The following CCDC116 variants were observed in gnomAD, a reference collection of about 807,000 sequenced individuals.
CCDC116 encodes coiled-coil domain-containing protein 116.
In CCDC116, 24 loss-of-function variants were observed where a neutral mutation model predicts 29.4. The observed-to-expected ratio is 0.82, with a 90% CI of 0.59 to 1.15. The LOEUF is 1.15. Among genes scored for constraint, CCDC116 ranks in the 50% most tolerant of loss-of-function variants. The probability of loss-of-function intolerance (pLI) is 0.00; values close to 1 mark genes in which losing one functional copy is unlikely to be tolerated. For synonymous variants in CCDC116, 298 were observed against 331.4 expected, an observed-to-expected ratio of 0.90 and a Z score of 1.10; for missense variants, 791 against 804.0, an observed-to-expected ratio of 0.98 and a Z score of 0.20.
rs774973048 is a variant in CCDC116 at position 21,634,467 on chromosome 22, G to A, written c.518G>A (p.Ser173Asn). ...ATGGCCGGCTGTCTGGGCTCCCACA[G>A]CCGGGACAGTGACCTAGGTGCCCAA... ...SLMAGCLGSH[S>N]RDSDLGAQGS... The change falls in exon 3 of 5, where the codon AGC (serine) becomes AAC (asparagine). Residue 173 changes from serine to asparagine, a missense_variant. Ser to Asn is a conservative substitution (Grantham distance 46). Coordinates refer to ENST00000292779, the MANE Select transcript of CCDC116 (RefSeq NM_152612.3). The A allele has an allele frequency of 1.2e-6, 2 of 1,614,210 alleles. No homozygotes were observed. Among genetic ancestry groups the A allele is most frequent in the Non-Finnish European group, 1.7e-6 (2 of 1,180,042 alleles).
At chr22:21,636,058 AGCCAT>A (rs1930788353) in intron 4 of CCDC116, among the ~76,000 whole-genome samples, 1 of 152,104 alleles carries the variant, frequency 6.6e-6, no homozygotes, top group African/African-American at 2.4e-5. Context: ...CCCTTTCCTC[AGCCAT>A]CAAGGCCCCT....
chr22:21,637,246 G>T lies in CCDC116; in HGVS notation c.*176G>T. 2.3e-6 allele frequency: 2 copies of T among 862,380 alleles called. No individual in the cohort carries two copies. 53.4% of individuals were successfully genotyped at this position (862,380 alleles called of 1,614,324 possible). The stretch of plus-strand genomic sequence containing the variant: ...ACCACAGGCTGAATGCCCACGAGGA[G>T]CTCTGCTGAGACTCTCAAGGGAGCC... On this transcript the variant is annotated 3_prime_UTR_variant, in exon 5 of 5. Coordinates refer to ENST00000292779, the MANE Select transcript of CCDC116 (RefSeq NM_152612.3).
rs146506084 is a variant in CCDC116, at chr22:21,634,985, C to T, written c.922C>T (p.Arg308Cys). ...CACGCTGAACTTCCTGGCTGACCACCGCCTCTTCCCTGCCCTGCAAAGCGT... is the reference window on the plus strand; with the variant it reads ...CACGCTGAACTTCCTGGCTGACCACTGCCTCTTCCCTGCCCTGCAAAGCGT... The part of the protein sequence containing the change: ...HRTLNFLADH[R>C]LFPALQSVVS... The change falls in exon 4 of 5, where the codon CGC (arginine) becomes TGC (cysteine). Residue 308 changes from arginine to cysteine, a missense_variant. Transcript: ENST00000292779. 1,729 of 1,611,720 alleles carry T rather than the reference C, an allele frequency of 1.1e-3. 1 individual carries two copies. Among genetic ancestry groups the T allele is most frequent in the Middle Eastern group, 1.3e-3 (8 of 6,062 alleles).
rs1411631707 is a variant in CCDC116 at position 21,632,777 on chromosome 22, C to A, written c.-113C>A. ...ACTTCCTCGCACTGTGCAGCTGCTC[C>A]AGTGAGGGCGCAGACTGTACTGGCC... is the stretch of plus-strand genomic sequence containing the variant. On this transcript the variant is annotated 5_prime_UTR_variant, in exon 1 of 5. Transcript: ENST00000292779. The A allele has an allele frequency of 2.9e-5, 10 of 348,058 alleles. No homozygotes were observed. In the East Asian group the frequency reaches 6.9e-4, roughly 24 times the overall value. The allele number at this position is 348,058 out of a possible 1,614,324, so 21.6% of individuals were successfully genotyped here.
At chr22:21,632,972 G>A (rs1251356286) in intron 1 of CCDC116, 145 bp downstream of exon 1, 1 of 700,554 alleles carries the variant, frequency 1.4e-6, no homozygotes, top group Non-Finnish European at 2.7e-6. Context: ...GAAACTGCCT[G>A]CCTGCAGACG....
chr22:21,634,432 T>C lies in CCDC116; in HGVS notation c.483T>C (p.His161=). The change falls in exon 3 of 5, where the codon CAT becomes CAC. Residue 161 remains histidine (H), a synonymous_variant. Coordinates refer to ENST00000292779, the MANE Select transcript of CCDC116 (RefSeq NM_152612.3). ...GCTCCAGCTCCATGTCCAACTGCCATAGCAGCCTCATGGCCGGCTGTCTGG... is the reference window on the plus strand; with the variant it reads ...GCTCCAGCTCCATGTCCAACTGCCACAGCAGCCTCATGGCCGGCTGTCTGG... ...PSSSSSMSNC[H]SSLMAGCLGS... is the part of the protein sequence containing the mutation. 1 of 1,614,186 alleles carries C rather than the reference T, an allele frequency of 6.2e-7. No individual in the cohort carries two copies. Among genetic ancestry groups the C allele is most frequent in the Non-Finnish European group, 8.5e-7 (1 of 1,180,030 alleles).
chr22:21,634,680 T>C lies in CCDC116; in HGVS notation c.622-5T>C, dbSNP rs1309278485. On this transcript the variant is annotated splice_region_variant and splice_polypyrimidine_tract_variant and intron_variant, in intron 3 of 4. Transcript: ENST00000292779. ...ACACTTCACAGAGTCACCCTCTTTC[T>C]GCAGAAAGGCCTCAGTCAGTCCTGC... 1 of 1,591,902 alleles carries C rather than the reference T, an allele frequency of 6.3e-7. No individual in the cohort carries two copies. Among genetic ancestry groups the C allele is most frequent in the African/African-American group, 1.3e-5 (1 of 74,554 alleles).
intron 4 of CCDC116, 124 bp from the exon 5 acceptor site, chr22:21,636,308 C>T (rs1028119598): frequency 1.2e-6 from 1 of 810,928 alleles, no homozygotes; most frequent in Non-Finnish European, 1.9e-6. Context: ...GGTACCCATT[C>T]ATGTTTGTGA....
chr22:21,636,343 G>A (rs1930797399), intron 4 of CCDC116, 89 bp from the exon 5 acceptor site: 1 of 1,250,168 alleles, frequency 8.0e-7, no homozygotes, highest in East Asian at 2.4e-5. Flanking sequence ...AGGGCTCTGA[G>A]GAGGGCACAG....
chr22:21,633,984 G>A, intron 2 of CCDC116, 38 bp from the exon 3 acceptor site: 1 of 1,555,618 alleles, frequency 6.4e-7, no homozygotes, highest in Non-Finnish European at 8.7e-7. Context: ...TTCACCTGTA[G>A]GGCACCCCTG....
rs144432807 is a variant in CCDC116 at position 21,634,079 on chromosome 22, C to T, written c.130C>T (p.Arg44Cys). 3.7e-6 allele frequency: 6 copies of T among 1,613,828 alleles called. No homozygotes were observed. The African/African-American group carries it at 5.3e-5, about 14-fold the overall frequency. ...AATGCGGCCAGCCTGCAAGCCGGGCCGTGTGCCACACCCACCATCCACATG... is the reference window on the plus strand; with the variant it reads ...AATGCGGCCAGCCTGCAAGCCGGGCTGTGTGCCACACCCACCATCCACATG... Reference protein sequence around the residue: ...PEMRPACKPGRVPHPPSTCGS... With the variant: ...PEMRPACKPGCVPHPPSTCGS... Residue 44 changes from arginine to cysteine, a missense_variant, in exon 3 of 5, where the codon CGT (arginine) becomes TGT (cysteine). Arg to Cys is a radical substitution (Grantham distance 180). Coordinates refer to ENST00000292779, the MANE Select transcript of CCDC116 (RefSeq NM_152612.3).
At chr22:21,636,359 G>A (rs986534304) in intron 4 of CCDC116, 73 bp from the exon 5 acceptor site, 18 of 1,417,566 alleles carry the variant, frequency 1.3e-5, no homozygotes, top group Non-Finnish European at 1.7e-5. Context: ...CACAGTGGCT[G>A]GAAGGGGTGT....
At chr22:21,633,679 C>T (rs984244086) in intron 2 of CCDC116, among the ~76,000 whole-genome samples, 19 of 152,264 alleles carry the variant, frequency 1.2e-4, no homozygotes, top group African/African-American at 4.3e-4. Flanking sequence ...AGGGAGACTC[C>T]GAGAGATTCA....
At chr22:21,635,950 T>C (rs1040848753) in intron 4 of CCDC116, 1 of 383,118 alleles carries the variant, frequency 2.6e-6, no homozygotes, top group Non-Finnish European at 4.7e-6. Flanking sequence ...AGCAGGACTC[T>C]CCAGTCCCTG....
In CCDC116 at chr22:21,636,597, C is replaced by G; in HGVS notation, c.1369C>G (p.Leu457Val). Reference protein sequence around the residue: ...VIRKYEFEKDLSKQLGFFSFP... With the variant: ...VIRKYEFEKDVSKQLGFFSFP... The stretch of plus-strand genomic sequence containing the variant: ...CCGCAAGTACGAGTTCGAAAAGGAC[C>G]TCAGTAAGCAGCTGGGCTTCTTCTC... The change falls in exon 5 of 5, where the codon CTC becomes GTC. Residue 457 changes from leucine (L) to valine (V), a missense_variant. Leu to Val is a conservative substitution (Grantham distance 32). Transcript: ENST00000292779. The G allele has an allele frequency of 6.2e-7, 1 of 1,614,150 alleles. No homozygotes were observed.
chr22:21,636,900 C>G lies in CCDC116; in HGVS notation c.1672C>G (p.Pro558Ala). The G allele has an allele frequency of 1.2e-6, 2 of 1,613,796 alleles. No homozygotes were observed. Among genetic ancestry groups the G allele is most frequent in the Non-Finnish European group, 1.7e-6 (2 of 1,180,054 alleles). The change falls in exon 5 of 5, where the codon CCT becomes GCT. Residue 558 changes from proline to alanine, a missense_variant. Pro to Ala is a conservative substitution (Grantham distance 27). Coordinates refer to ENST00000292779, the MANE Select transcript of CCDC116 (RefSeq NM_152612.3). ...CTTGCCAGCCAGCCGGCAGCTCAGC[C>G]CTTTGGAGCCCAAGCTCTACATGTC... ...TNLPASRQLS[P>A]LEPKLYMSAC...
Position 21,636,910 on chromosome 22 carries a change from C to T in CCDC116, c.1682C>T (p.Pro561Leu). ...AGCCGGCAGCTCAGCCCTTTGGAGC[C>T]CAAGCTCTACATGTCTGCCTGCACC... ...PASRQLSPLE[P>L]KLYMSACTGM... is the part of the protein sequence containing the mutation. Residue 561 changes from proline to leucine, a missense_variant, in exon 5 of 5, where the codon CCC becomes CTC. Transcript: ENST00000292779. 6.2e-7 allele frequency: 1 copy of T among 1,613,806 alleles called. No homozygotes were observed. Among genetic ancestry groups the T allele is most frequent in the South Asian group, 1.1e-5 (1 of 91,088 alleles).
At chr22:21,635,836 C>T (rs373638048) in intron 4 of CCDC116, 15 of 560,210 alleles carry the variant, frequency 2.7e-5, no homozygotes, top group African/African-American at 1.5e-4. Context: ...AATCTAGAGA[C>T]GCTCCTACAT....
chr22:21,633,160 C>T lies in CCDC116; in HGVS notation c.-22C>T. On this transcript the variant is annotated 5_prime_UTR_variant, in exon 2 of 5. Transcript: ENST00000292779. The stretch of plus-strand genomic sequence containing the variant: ...TGAAGAGAGAGGTGGGCAGCAGGCC[C>T]GGTCACCTGCCAGGTGACCACATGG... 2.6e-6 allele frequency: 4 copies of T among 1,544,472 alleles called. No homozygotes were observed. The highest frequency in any genetic ancestry group is 1.4e-5 in the African/African-American group (1 of 73,054).
Sources: gnomAD v4.1 joint callset for allele counts (sites outside exome capture counted in the v4.1 genomes callset) on GRCh38, gnomAD v4.1.1 for gene constraint, MANE v1.5 for transcripts, NCBI Gene and HGNC (gene_info 2026-07-23, HGNC 2026-07-21) for gene names.